EFCAB13: variants seen among roughly 807,000 people sequenced by gnomAD.
EFCAB13 encodes the protein EF-hand calcium binding domain 13, also known as EF-hand calcium-binding domain-containing protein 13.
A neutral mutation model predicts 110.2 loss-of-function variants in EFCAB13; 91 were observed. The ratio of observed to expected loss-of-function variants is 0.83; its 90% CI spans 0.70 to 0.98. The LOEUF (loss-of-function observed/expected upper bound fraction) is 0.98, where lower values mean the gene tolerates loss of function less well. Ranked by LOEUF, EFCAB13 falls within the 50% of genes least tolerant of loss-of-function variation. EFCAB13 has a pLI of 0.00. For missense variants in EFCAB13, 968 were observed against 1,119.4 expected, an observed-to-expected ratio of 0.86 and a Z score of 1.93; for synonymous variants, 323 against 369.9, an observed-to-expected ratio of 0.87 and a Z score of 1.45.
rs560876398 is a variant in EFCAB13, at chr17:47,400,034, G to C, written c.1946-2098G>C. On this transcript the variant is annotated intron_variant, in intron 17 of 24. Transcript: ENST00000331493. ...AGGTGTTGTTAGGCATTTAAGGCCT[G>C]GGACAATCTCTTCTCTGCTGGTGGT... 2.6e-5 allele frequency among the ~76,000 whole-genome samples: 4 copies of C among 152,302 alleles called. No individual in the cohort carries two copies. The East Asian group carries it at 7.7e-4, about 29-fold the overall frequency.
intron 17 of EFCAB13, among the ~76,000 whole-genome samples, chr17:47,397,962 A>G (rs1270905809): frequency 1.7e-5 from 2 of 121,182 alleles, no homozygotes; most frequent in Admixed American, 1.6e-4. Flanking sequence ...TCCGGGAGGG[A>G]GGTGGGGGGG....
At chr17:47,362,137 T>C (rs931511352) in intron 10 of EFCAB13, among the ~76,000 whole-genome samples, 2 of 152,100 alleles carry the variant, frequency 1.3e-5, no homozygotes, top group Non-Finnish European at 2.9e-5. Context: ...TAATAAAATA[T>C]GTAAAATAAG....
chr17:47,375,031 A>C, intron 12 of EFCAB13, 65 bp downstream of exon 12: 1 of 1,466,670 alleles, frequency 6.8e-7, no homozygotes, highest in Non-Finnish European at 9.0e-7. Flanking sequence ...TGAATCAATT[A>C]TTAGATAGTT....
intron 4 of EFCAB13, among the ~76,000 whole-genome samples, chr17:47,333,735 C>T (rs1488325859): frequency 6.6e-6 from 1 of 152,190 alleles, no homozygotes; most frequent in Non-Finnish European, 1.5e-5. Flanking sequence ...TGAAAATCAG[C>T]TGACTGTAAA....
intron 20 of EFCAB13, 93 bp downstream of exon 20, chr17:47,404,726 T>A: frequency 1.1e-6 from 1 of 883,476 alleles, no homozygotes; most frequent in Non-Finnish European, 1.7e-6. Flanking sequence ...GTTTAAATCT[T>A]CTTTATAGTA....
At chr17:47,401,770 G>C (rs1033018096) in intron 17 of EFCAB13, among the ~76,000 whole-genome samples, 3 of 148,306 alleles carry the variant, frequency 2.0e-5, no homozygotes, top group Non-Finnish European at 4.4e-5. Context: ...TCAGCCTCCC[G>C]AGTAGCTGGG....
At chr17:47,393,659 T>A (rs1271741613) in intron 15 of EFCAB13, among the ~76,000 whole-genome samples, 1 of 151,674 alleles carries the variant, frequency 6.6e-6, no homozygotes, top group Non-Finnish European at 1.5e-5. Flanking sequence ...GAGGTTGCAG[T>A]GAGCTGAGAT....
rs73985163 is a variant in EFCAB13 at position 47,427,988 on chromosome 17, C to A, written c.2495-1830C>A. Among the ~76,000 whole-genome samples the A allele has an allele frequency of 6.5e-3, 989 of 151,852 alleles. 14 individuals are homozygous for A. Among genetic ancestry groups the A allele is most frequent in the African/African-American group, 0.023 (940 of 41,466 alleles). On this transcript the variant is annotated intron_variant, in intron 23 of 24. Coordinates refer to ENST00000331493, the MANE Select transcript of EFCAB13 (RefSeq NM_152347.5). Reference sequence around the variant, plus strand: ...ATTGGTGGTGTGTGTATATGAAAAACAACATTGTAGTCATATTTTAGGTAC... The same window carrying A: ...ATTGGTGGTGTGTGTATATGAAAAAAAACATTGTAGTCATATTTTAGGTAC...
chr17:47,439,494 G>A (rs1905276018), intron 24 of EFCAB13, among the ~76,000 whole-genome samples: 2 of 152,018 alleles, frequency 1.3e-5, no homozygotes. Context: ...CCTCTTTGGT[G>A]TAGGCTCTGA....
chr17:47,340,070 T>G (rs575828072), intron 5 of EFCAB13: 3 of 152,208 alleles, frequency 2.0e-5, no homozygotes, highest in Non-Finnish European at 4.4e-5. Flanking sequence ...TTTCAGGGAA[T>G]TAAACTGCAT....
At chr17:47,402,078 G>T in intron 17 of EFCAB13, 54 bp from the exon 18 acceptor site, 2 of 1,437,182 alleles carry the variant, frequency 1.4e-6, no homozygotes, top group South Asian at 1.1e-5. Context: ...TTGCTTTATT[G>T]GATCTGACTT....
intron 24 of EFCAB13, among the ~76,000 whole-genome samples, chr17:47,436,254 C>G (rs887971505): frequency 5.9e-5 from 9 of 152,012 alleles, no homozygotes; most frequent in African/African-American, 2.2e-4. Flanking sequence ...TATGTCCTTT[C>G]TTGGTTTTGG....
At chr17:47,399,626 C>A (rs1311828563) in intron 17 of EFCAB13, among the ~76,000 whole-genome samples, 1 of 151,302 alleles carries the variant, frequency 6.6e-6, no homozygotes, top group Non-Finnish European at 1.5e-5. Context: ...TTATTTTGAC[C>A]AGGTTATGTT....
chr17:47,410,961 A>G (rs2065831302), intron 21 of EFCAB13, among the ~76,000 whole-genome samples: 1 of 152,010 alleles, frequency 6.6e-6, no homozygotes, highest in South Asian at 2.1e-4. Context: ...TCTGTTTTCG[A>G]TTATTTGATT....
In EFCAB13 at chr17:47,403,895, T is replaced by G. The variant is rs751550781; in HGVS notation, c.2035T>G (p.Leu679Val). Residue 679 changes from leucine (L) to valine (V), a missense_variant, in exon 19 of 25, where the codon TTA (leucine) becomes GTA (valine). By Grantham distance (32) the Leu-to-Val change is conservative (BLOSUM62 1). Transcript: ENST00000331493. ...ARLEELQEVV[L>V]AADLLEGDMI... ...ATTTATAGAGTTACAGGAAGTTGTC[T>G]TAGCTGCTGATTTGCTGGAAGGTGA... 1 of 1,606,812 alleles carries G rather than the reference T, an allele frequency of 6.2e-7. No homozygotes were observed. Among genetic ancestry groups the G allele is most frequent in the South Asian group, 1.1e-5 (1 of 89,122 alleles).
intron 23 of EFCAB13, chr17:47,423,267 T>C (rs886756676): frequency 6.6e-6 from 1 of 152,184 alleles, no homozygotes; most frequent in Non-Finnish European, 1.5e-5. Flanking sequence ...ATGTTCTCAT[T>C]GGAGAAAATA....
Position 47,377,822 on chromosome 17 carries a change from C to T in EFCAB13, c.1429C>T (p.Leu477Phe). Residue 477 changes from leucine (L) to phenylalanine (F), a missense_variant, in exon 13 of 25, where the codon CTT becomes TTT. Transcript: ENST00000331493. ...AGAAAATTACATTGCAGCAGAAGAA[C>T]TTCAGTCTATTTTGCCTTCAACAGG... ...LQENYIAAEELQSILPSTGIN... is the reference protein window; with the variant it reads ...LQENYIAAEEFQSILPSTGIN... 1.3e-6 allele frequency: 2 copies of T among 1,593,976 alleles called. No individual in the cohort carries two copies. Among genetic ancestry groups the T allele is most frequent in the Non-Finnish European group, 1.7e-6 (2 of 1,175,052 alleles).
chr17:47,330,770 G>GT (rs1225362763), intron 4 of EFCAB13, among the ~76,000 whole-genome samples: 28 of 148,380 alleles, frequency 1.9e-4, no homozygotes, highest in South Asian at 4.3e-4. Context: ...ATATGTGTAG[G>GT]TTTTTTTTTT....
intron 10 of EFCAB13, 28 bp downstream of exon 10, chr17:47,361,549 G>A (rs1272143907): frequency 1.2e-5 from 18 of 1,563,438 alleles, no homozygotes; most frequent in Non-Finnish European, 1.6e-5. Flanking sequence ...AGATATATAT[G>A]TCCATATATA....
Sources: gnomAD v4.1 joint callset for allele counts (sites outside exome capture counted in the v4.1 genomes callset) on GRCh38, gnomAD v4.1.1 for gene constraint, MANE v1.5 for transcripts, NCBI Gene and HGNC (gene_info 2026-07-23, HGNC 2026-07-21) for gene names.